Variants in CLCN4 observed in about 807,000 individuals in gnomAD.
The protein encoded by CLCN4 is Cl-/H+ antiporter 4, also known as H(+)/Cl(-) exchange transporter 4.
A neutral mutation model predicts 41.7 loss-of-function variants in CLCN4; 1 was observed. That is an observed-to-expected ratio of 0.02 (90% CI 0.01 to 0.11). The LOEUF (loss-of-function observed/expected upper bound fraction) is 0.11. CLCN4 is among the 10% of genes least tolerant of loss of function. The pLI, the probability that CLCN4 is intolerant of heterozygous loss-of-function variation, is 1.00. For missense variants in CLCN4, 287 were observed against 661.0 expected, an observed-to-expected ratio of 0.43 and a Z score of 6.20; for synonymous variants, 277 against 285.8, an observed-to-expected ratio of 0.97 and a Z score of 0.31.
intron 6 of CLCN4, among the ~76,000 whole-genome samples, chrX:10,205,703 G>T (rs1252852833): frequency 9.4e-6 from 1 of 106,479 alleles, no homozygotes; most frequent in African/African-American, 3.4e-5. Flanking sequence ...GACCTTCCGG[G>T]CTCAAGTGAT....
intron 12 of CLCN4, among the ~76,000 whole-genome samples, chrX:10,223,859 G>A (rs776790534): frequency 1.8e-5 from 2 of 112,105 alleles, no homozygotes; most frequent in South Asian, 3.7e-4. Flanking sequence ...GATAGCTTTC[G>A]CAGAAGAGCC....
At chrX:10,202,051 A>G (rs1391469737) in intron 6 of CLCN4, among the ~76,000 whole-genome samples, 1 of 111,723 alleles carries the variant, frequency 9.0e-6, no homozygotes, top group Non-Finnish European at 1.9e-5. Context: ...AAGTTCTATA[A>G]AGCACATTTA....
chrX:10,220,918 A>C (rs1924845663), intron 12 of CLCN4, 41 bp downstream of exon 12: 1 of 1,084,047 alleles, frequency 9.2e-7, no homozygotes. Flanking sequence ...CTAGGGAGAA[A>C]AAGATGAGTG....
intron 9 of CLCN4, among the ~76,000 whole-genome samples, chrX:10,211,467 A>G (rs1355504311): frequency 9.0e-6 from 1 of 111,046 alleles, no homozygotes; most frequent in Non-Finnish European, 1.9e-5. Flanking sequence ...GTAACATTTT[A>G]TGATGCTTGC....
intron 6 of CLCN4, among the ~76,000 whole-genome samples, chrX:10,203,439 G>C (rs1924293696): frequency 9.0e-6 from 1 of 111,307 alleles, no homozygotes; most frequent in Non-Finnish European, 1.9e-5. Context: ...AGGAGACCTT[G>C]CACATGTTCT....
intron 6 of CLCN4, among the ~76,000 whole-genome samples, chrX:10,202,751 T>G (rs1420546699): frequency 2.7e-5 from 3 of 110,348 alleles, no homozygotes; most frequent in Non-Finnish European, 3.8e-5. Flanking sequence ...TGCTTCCTTT[T>G]GTCAGTAGAA....
At chrX:10,211,188 C>T (rs1207795794) in intron 9 of CLCN4, among the ~76,000 whole-genome samples, 8 of 97,251 alleles carry the variant, frequency 8.2e-5, no homozygotes, top group South Asian at 5.0e-4. Flanking sequence ...ATCACTTGAA[C>T]GCAGGAGGCA....
At chrX:10,199,213 A>C (rs1173181424) in intron 6 of CLCN4, among the ~76,000 whole-genome samples, 1 of 112,432 alleles carries the variant, frequency 8.9e-6, no homozygotes, top group Non-Finnish European at 1.9e-5. Context: ...ATTCCTAAAA[A>C]TCACCATGCC....
intron 9 of CLCN4, among the ~76,000 whole-genome samples, chrX:10,211,280 A>AAG (rs1555976782): frequency 2.5e-4 from 26 of 105,864 alleles, no homozygotes; most frequent in Non-Finnish European, 3.7e-4. Context: ...AAAAAAAAAA[A>AAG]AAAAAAAAGA....
chrX:10,212,090 T>C, intron 9 of CLCN4, among the ~76,000 whole-genome samples: 1 of 111,989 alleles, frequency 8.9e-6, no homozygotes, highest in Non-Finnish European at 1.9e-5. Flanking sequence ...TGACATTTAA[T>C]TTTAAAAGCC....
chrX:10,204,812 C>T (rs1348096237), intron 6 of CLCN4, among the ~76,000 whole-genome samples: 3 of 108,893 alleles, frequency 2.8e-5, no homozygotes, highest in African/African-American at 6.7e-5. Context: ...TAGGGGTTTG[C>T]GGCTGGGCCT....
At chrX:10,210,026 C>T (rs750591488) in intron 9 of CLCN4, among the ~76,000 whole-genome samples, 19 of 111,381 alleles carry the variant, frequency 1.7e-4, no homozygotes, top group Admixed American at 6.7e-4. Flanking sequence ...CCTGCAGCCC[C>T]GGCAACCACT....
chrX:10,204,689 G>A (rs1349479890), intron 6 of CLCN4, among the ~76,000 whole-genome samples: 5 of 87,279 alleles, frequency 5.7e-5, no homozygotes, highest in South Asian at 6.1e-4. Flanking sequence ...CACTTGGCTC[G>A]TGGGTCATAC....
At chrX:10,174,426 C>G (rs1054973175) in intron 2 of CLCN4, among the ~76,000 whole-genome samples, 6 of 112,625 alleles carry the variant, frequency 5.3e-5, no homozygotes, top group African/African-American at 1.9e-4. Context: ...TTTACGGACC[C>G]AAGTCCTCCG....
intron 4 of CLCN4, among the ~76,000 whole-genome samples, chrX:10,188,267 C>CT (rs1330351000): frequency 1.2e-4 from 14 of 112,451 alleles, no homozygotes; most frequent in African/African-American, 4.2e-4. Context: ...ACAACAAAAT[C>CT]AGGGACTGTT....
chrX:10,158,241 T>G, intron 1 of CLCN4, 48 bp from the exon 2 acceptor site: 1 of 287,755 alleles, frequency 3.5e-6, no homozygotes, highest in Non-Finnish European at 6.1e-6. Flanking sequence ...CCTGTAATAA[T>G]TTGGATTTCT....
At chrX:10,192,733 G>A (rs1439246712) in intron 4 of CLCN4, among the ~76,000 whole-genome samples, 1 of 112,233 alleles carries the variant, frequency 8.9e-6, no homozygotes, top group Non-Finnish European at 1.9e-5. Context: ...CCATGAATGG[G>A]GCAGGACTGA....
At chrX:10,214,235 C>T (rs1330074048) in intron 11 of CLCN4, among the ~76,000 whole-genome samples, 156 bp downstream of exon 11, 5 of 112,780 alleles carry the variant, frequency 4.4e-5, no homozygotes, top group Non-Finnish European at 9.4e-5. Flanking sequence ...GGCTCAAAAG[C>T]AGATTCTGAT....
chrX:10,174,421 G>C (rs1001925044), intron 2 of CLCN4, among the ~76,000 whole-genome samples: 4 of 112,441 alleles, frequency 3.6e-5, no homozygotes, highest in Non-Finnish European at 7.5e-5. Flanking sequence ...AGCCCTTTAC[G>C]GACCCAAGTC....
Sources: gnomAD v4.1 joint callset for allele counts (sites outside exome capture counted in the v4.1 genomes callset) on GRCh38, gnomAD v4.1.1 for gene constraint, MANE v1.5 for transcripts, NCBI Gene and HGNC (gene_info 2026-07-23, HGNC 2026-07-21) for gene names.